Variants in NKAIN3 observed in about 807,000 individuals in gnomAD.
NKAIN3 encodes the protein sodium/potassium-transporting ATPase subunit beta-1-interacting protein 3.
In NKAIN3, 25 loss-of-function variants were observed where a neutral mutation model predicts 30.2. The ratio of observed to expected loss-of-function variants is 0.83; its 90% confidence interval spans 0.60 to 1.16. The LOEUF is 1.16. NKAIN3 is among the 50% of genes most tolerant of loss of function. The pLI is 0.00. For missense variants in NKAIN3, 225 were observed against 254.1 expected (o/e 0.89, Z 0.78); for synonymous variants, 91 against 89.6 (o/e 1.02, Z -0.09).
intron 3 of NKAIN3, among the ~76,000 whole-genome samples, chr8:62,611,048 C>G (rs1202986463): frequency 6.6e-6 from 1 of 152,052 alleles, no homozygotes; most frequent in African/African-American, 2.4e-5. Flanking sequence ...ATATGAAATA[C>G]TTGCTTCCAC....
At chr8:62,583,606 A>G (rs1810370358) in intron 2 of NKAIN3, among the ~76,000 whole-genome samples, 2 of 152,186 alleles carry the variant, frequency 1.3e-5, no homozygotes, top group Non-Finnish European at 2.9e-5. Flanking sequence ...TAGCCCAAGG[A>G]ACACAGGTGG....
At chr8:62,742,521 G>T (rs1815937011) in intron 3 of NKAIN3, among the ~76,000 whole-genome samples, 1 of 152,124 alleles carries the variant, frequency 6.6e-6, no homozygotes, top group African/African-American at 2.4e-5. Flanking sequence ...GGAACATTTT[G>T]GGGTGGCATA....
At chr8:62,694,057 C>T (rs933129690) in intron 3 of NKAIN3, among the ~76,000 whole-genome samples, 3 of 152,264 alleles carry the variant, frequency 2.0e-5, no homozygotes, top group East Asian at 1.9e-4. Flanking sequence ...ATATCCATTA[C>T]TTCACATATT....
At chr8:62,428,014 C>T (rs1804865336) in intron 1 of NKAIN3, among the ~76,000 whole-genome samples, 2 of 151,878 alleles carry the variant, frequency 1.3e-5, no homozygotes, top group African/African-American at 4.8e-5. Context: ...CCCTTCCCAG[C>T]CTCTGTCAAC....
chr8:62,320,476 G>A (rs571029103), intron 1 of NKAIN3, among the ~76,000 whole-genome samples: 8 of 152,216 alleles, frequency 5.3e-5, no homozygotes, highest in East Asian at 1.9e-4. Flanking sequence ...GGTACCGGTT[G>A]TTCCTTTCCA....
intron 4 of NKAIN3, among the ~76,000 whole-genome samples, chr8:62,904,197 T>G (rs1395803350): frequency 6.6e-6 from 1 of 152,126 alleles, no homozygotes; most frequent in East Asian, 1.9e-4. Context: ...GCTATGAGGG[T>G]TGGAACACTG....
At chr8:62,745,816 G>A (rs1054492978) in intron 3 of NKAIN3, among the ~76,000 whole-genome samples, 1 of 152,150 alleles carries the variant, frequency 6.6e-6, no homozygotes, top group Non-Finnish European at 1.5e-5. Flanking sequence ...CAGAGTATAA[G>A]GAATGATCAG....
rs151105842 is a variant in NKAIN3 at position 62,521,650 on chromosome 8, G to C, written c.55-57889G>C. On this transcript the variant is annotated intron_variant, in intron 1 of 6. Transcript: ENST00000623646. ...GTTGCTGGTAATGTAGCTGAATCAT[G>C]GACAAAAAGAGCATCTTGGATCTGG... Among the ~76,000 whole-genome samples, 413 of 152,180 alleles carry C rather than the reference G, an allele frequency of 2.7e-3. 1 individual carries two copies. Among genetic ancestry groups the C allele is most frequent in the Middle Eastern group, 0.01 (3 of 294 alleles).
chr8:62,774,828 T>C (rs10089763), intron 4 of NKAIN3, among the ~76,000 whole-genome samples: 134,655 of 152,138 alleles, frequency 0.89, 59,726 homozygotes, highest in African/African-American at 0.91. Flanking sequence ...AGGATTTTTG[T>C]ATCAATTCTC....
At chr8:62,805,330 G>C (rs1261952198) in intron 4 of NKAIN3, among the ~76,000 whole-genome samples, 2 of 151,734 alleles carry the variant, frequency 1.3e-5, no homozygotes, top group African/African-American at 2.4e-5. Flanking sequence ...CCAAAAAAGA[G>C]CCCGCATTGC....
At chr8:62,352,505 C>G (rs1043779841) in intron 1 of NKAIN3, among the ~76,000 whole-genome samples, 1 of 152,152 alleles carries the variant, frequency 6.6e-6, no homozygotes. Flanking sequence ...CATGCACAGA[C>G]AAGAAGGCTC....
intron 4 of NKAIN3, among the ~76,000 whole-genome samples, chr8:62,771,227 A>C (rs758619485): frequency 3.3e-5 from 5 of 152,194 alleles, no homozygotes; most frequent in Non-Finnish European, 7.3e-5. Flanking sequence ...CGGGAGTTCA[A>C]GACCAAACAG....
intron 4 of NKAIN3, among the ~76,000 whole-genome samples, chr8:62,871,300 G>C (rs1820635011): frequency 6.6e-6 from 1 of 151,796 alleles, no homozygotes; most frequent in African/African-American, 2.4e-5. Flanking sequence ...CTACTCAGGA[G>C]GCTGAGGCAG....
At chr8:62,648,293 C>T (rs988801604) in intron 3 of NKAIN3, among the ~76,000 whole-genome samples, 4 of 151,848 alleles carry the variant, frequency 2.6e-5, no homozygotes, top group African/African-American at 7.3e-5. Context: ...TTACAATTGG[C>T]GGTTGAATTT....
chr8:62,265,422 C>G (rs1812573246), intron 1 of NKAIN3, among the ~76,000 whole-genome samples: 1 of 152,000 alleles, frequency 6.6e-6, no homozygotes, highest in African/African-American at 2.4e-5. Flanking sequence ...AAACTTTTGT[C>G]CAAAAAGGTA....
rs1814913676 is a variant in NKAIN3 at position 62,716,662 on chromosome 8, AT to A, written c.274-30269del. On this transcript the variant is annotated intron_variant, in intron 3 of 6. Transcript: ENST00000623646. Reference sequence around the variant, plus strand: ...ATGAATCTGTGGCAGAGAGATTAATATCATTCTAAAGAGCTGGCATCAGAAC... The same window carrying A: ...ATGAATCTGTGGCAGAGAGATTAATACATTCTAAAGAGCTGGCATCAGAAC... Among the ~76,000 whole-genome samples, 3 of 152,132 alleles carry A rather than the reference AT, an allele frequency of 2.0e-5. No homozygotes were observed. The South Asian group carries it at 6.2e-4, about 32-fold the overall frequency.
At chr8:62,565,687 A>G (rs1013014199) in intron 1 of NKAIN3, among the ~76,000 whole-genome samples, 4 of 152,152 alleles carry the variant, frequency 2.6e-5, no homozygotes, top group African/African-American at 9.6e-5. Flanking sequence ...TTGAATATAG[A>G]TGCTACTTCA....
chr8:62,465,939 C>T (rs1405635050), intron 1 of NKAIN3, among the ~76,000 whole-genome samples: 1 of 152,034 alleles, frequency 6.6e-6, no homozygotes, highest in African/African-American at 2.4e-5. Context: ...AGGAGAATCT[C>T]TTGAACCTAG....
intron 3 of NKAIN3, among the ~76,000 whole-genome samples, chr8:62,659,182 C>T (rs1812861880): frequency 6.6e-6 from 1 of 152,204 alleles, no homozygotes; most frequent in Non-Finnish European, 1.5e-5. Context: ...ATTTGTTCCA[C>T]TTTGCTTGCT....
Sources: allele counts gnomAD v4.1 joint callset (sites outside exome capture counted in the v4.1 genomes callset), GRCh38; gene constraint gnomAD v4.1.1; transcripts MANE v1.5; gene names NCBI Gene and HGNC (gene_info 2026-07-23, HGNC 2026-07-21).